CFAP299: variants seen among roughly 807,000 people sequenced by gnomAD.
The protein encoded by CFAP299 is cilia- and flagella-associated protein 299.
In CFAP299, 21 loss-of-function variants were observed where a neutral mutation model predicts 27.0. That is an observed-to-expected ratio of 0.78 (90% confidence interval 0.55 to 1.12). CFAP299 has a LOEUF of 1.12. Ranked by LOEUF, CFAP299 falls within the 50% of genes most tolerant of loss-of-function variation. The pLI is 0.00. For missense variants in CFAP299, 310 were observed against 276.6 expected (o/e 1.12, Z -0.86); for synonymous variants, 104 against 98.1 (o/e 1.06, Z -0.36).
intron 3 of CFAP299, among the ~76,000 whole-genome samples, chr4:80,776,203 T>A (rs1489815850): frequency 6.6e-6 from 1 of 152,140 alleles, no homozygotes; most frequent in Non-Finnish European, 1.5e-5. Flanking sequence ...AAGTATATCA[T>A]GCTAATTTGG....
chr4:80,388,800 CAAT>C (rs1281365394), intron 2 of CFAP299: 1 of 420,710 alleles, frequency 2.4e-6, no homozygotes, highest in African/African-American at 2.1e-5. Flanking sequence ...TACCTGCAAA[CAAT>C]GATGTTTCTA....
chr4:80,947,880 A>G (rs1202694455), intron 5 of CFAP299, among the ~76,000 whole-genome samples: 1 of 152,172 alleles, frequency 6.6e-6, no homozygotes, highest in African/African-American at 2.4e-5. Flanking sequence ...CTAAGGAAGA[A>G]CCAAGAAATA....
chr4:80,362,834 A>G lies in CFAP299; in HGVS notation c.192A>G (p.Ala64=). ...GERVKREDFE[A]RKAAIEIARL... is the part of the protein sequence containing the mutation. Reference sequence around the variant, plus strand: ...GAGTGAAAAGGGAAGATTTTGAAGCAAGGAAAGCGGCTATAGAGATTGCAA... The same window carrying G: ...GAGTGAAAAGGGAAGATTTTGAAGCGAGGAAAGCGGCTATAGAGATTGCAA... Residue 64 remains alanine, a synonymous_variant, in exon 2 of 6, where the codon GCA becomes GCG. Transcript: ENST00000358105. 6.2e-7 allele frequency: 1 copy of G among 1,613,270 alleles called. No homozygotes were observed. The highest frequency in any genetic ancestry group is 8.5e-7 in the Non-Finnish European group (1 of 1,179,828).
chr4:80,825,032 G>A (rs1043238894), intron 3 of CFAP299, among the ~76,000 whole-genome samples: 1 of 151,762 alleles, frequency 6.6e-6, no homozygotes, highest in Non-Finnish European at 1.5e-5. Context: ...GTCAAGAAAA[G>A]AATGTATATA....
chr4:80,501,758 C>T (rs1288796607), intron 2 of CFAP299, among the ~76,000 whole-genome samples: 1 of 151,508 alleles, frequency 6.6e-6, no homozygotes, highest in Non-Finnish European at 1.5e-5. Context: ...GAAAATTTGT[C>T]ACCTTTACTT....
rs1560416215 is a variant in CFAP299 at position 80,799,285 on chromosome 4, G to GTATAAATATATTTATATAATATTTATATA, written c.334-70671_334-70643dup. On this transcript the variant is annotated intron_variant, in intron 3 of 5. Coordinates refer to ENST00000358105, the MANE Select transcript of CFAP299 (RefSeq NM_152770.3). The stretch of plus-strand genomic sequence containing the variant: ...TTTATATAATATTTATATATATATT[G>GTATAAATATATTTATATAATATTTATATA]TATAAATATATTTATATAATATTTA... 2.5e-3 allele frequency among the ~76,000 whole-genome samples: 188 copies of GTATAAATATATTTATATAATATTTATATA among 74,342 alleles called. 13 individuals carry two copies. Among genetic ancestry groups the GTATAAATATATTTATATAATATTTATATA allele is most frequent in the African/African-American group, 0.01 (155 of 14,868 alleles). 48.8% of individuals were successfully genotyped at this position (74,342 alleles called of 152,430 possible).
chr4:80,696,223 C>T (rs1211469315), intron 3 of CFAP299, among the ~76,000 whole-genome samples: 1 of 150,986 alleles, frequency 6.6e-6, no homozygotes, highest in African/African-American at 2.4e-5. Context: ...ATTGCTTGAA[C>T]CTGGGAGGCG....
chr4:80,430,994 C>T (rs764693466), intron 2 of CFAP299, among the ~76,000 whole-genome samples: 12 of 152,204 alleles, frequency 7.9e-5, no homozygotes, highest in Non-Finnish European at 1.2e-4. Flanking sequence ...TTGTTTCCCA[C>T]ATTCACCTTC....
intron 2 of CFAP299, among the ~76,000 whole-genome samples, chr4:80,499,059 A>G (rs1731602269): frequency 6.6e-6 from 1 of 152,182 alleles, no homozygotes; most frequent in Admixed American, 6.5e-5. Context: ...ACACATGGAC[A>G]CAAAGAACAG....
intron 4 of CFAP299, among the ~76,000 whole-genome samples, chr4:80,881,938 C>A (rs985750214): frequency 5.1e-4 from 77 of 152,030 alleles, no homozygotes; most frequent in African/African-American, 1.8e-3. Context: ...AATTTTGAGG[C>A]AGAGGAACAC....
intron 3 of CFAP299, among the ~76,000 whole-genome samples, chr4:80,604,784 T>C (rs752244154): frequency 1.3e-5 from 2 of 151,640 alleles, no homozygotes; most frequent in Non-Finnish European, 2.9e-5. Flanking sequence ...AAAAACGAAG[T>C]ATAAATTTTA....
intron 2 of CFAP299, among the ~76,000 whole-genome samples, chr4:80,489,438 G>A (rs1011945778): frequency 7.3e-5 from 11 of 150,494 alleles, no homozygotes; most frequent in Admixed American, 5.9e-4. Flanking sequence ...ACTGAATGAA[G>A]TTTCAACTTT....
chr4:80,513,862 C>T (rs116495946), intron 2 of CFAP299, among the ~76,000 whole-genome samples: 2,825 of 152,076 alleles, frequency 0.019, 110 homozygotes, highest in African/African-American at 0.064. Context: ...TGTGCATATA[C>T]ACTATGGAAG....
intron 1 of CFAP299, among the ~76,000 whole-genome samples, chr4:80,361,143 G>A (rs1162461793): frequency 6.6e-6 from 1 of 152,136 alleles, no homozygotes; most frequent in Non-Finnish European, 1.5e-5. Flanking sequence ...AATCAATATC[G>A]ACTTTCAGTT....
At chr4:80,654,905 C>T (rs1264342573) in intron 3 of CFAP299, among the ~76,000 whole-genome samples, 1 of 150,992 alleles carries the variant, frequency 6.6e-6, no homozygotes, top group Non-Finnish European at 1.5e-5. Context: ...TAGTAACCAT[C>T]ATACCTAGCT....
intron 2 of CFAP299, among the ~76,000 whole-genome samples, chr4:80,548,457 T>C (rs937290708): frequency 6.6e-6 from 1 of 152,124 alleles, no homozygotes; most frequent in Non-Finnish European, 1.5e-5. Context: ...ACCTTGGCGA[T>C]GGGATTATTC....
At chr4:80,564,898 C>T (rs1408078644) in intron 2 of CFAP299, among the ~76,000 whole-genome samples, 1 of 151,900 alleles carries the variant, frequency 6.6e-6, no homozygotes, top group Non-Finnish European at 1.5e-5. Context: ...AAAAAGTAAT[C>T]TCATCTACAA....
chr4:80,368,960 A>G (rs1723991370), intron 2 of CFAP299, among the ~76,000 whole-genome samples: 1 of 151,840 alleles, frequency 6.6e-6, no homozygotes, highest in Non-Finnish European at 1.5e-5. Context: ...GAAAGCAAAC[A>G]CCTGTGAAAG....
At chr4:80,862,742 A>G (rs1407540376) in intron 3 of CFAP299, among the ~76,000 whole-genome samples, 1 of 152,166 alleles carries the variant, frequency 6.6e-6, no homozygotes, top group Non-Finnish European at 1.5e-5. Flanking sequence ...AACAGGAAAG[A>G]CAAAGAACTG....
Sources: gnomAD v4.1 joint callset for allele counts (sites outside exome capture counted in the v4.1 genomes callset) on GRCh38, gnomAD v4.1.1 for gene constraint, MANE v1.5 for transcripts, NCBI Gene and HGNC (gene_info 2026-07-23, HGNC 2026-07-21) for gene names.